SP140: variants seen among roughly 807,000 people sequenced by gnomAD.
SP140 encodes nuclear body protein SP140.
Under a neutral mutation model 125.0 loss-of-function variants are expected in SP140, and 81 were observed. That is an observed-to-expected ratio of 0.65 (90% CI 0.54 to 0.78). The LOEUF (loss-of-function observed/expected upper bound fraction) is 0.78. Among genes scored for constraint, SP140 ranks in the 30% least tolerant of loss-of-function variants. SP140 has a pLI of 0.00. For missense variants in SP140, 858 were observed against 1,037.0 expected (o/e 0.83, Z 2.37); for synonymous variants, 312 against 354.0 (o/e 0.88, Z 1.33).
At chr2:230,271,107 A>G (rs1277510442) in intron 15 of SP140, among the ~76,000 whole-genome samples, 1 of 152,238 alleles carries the variant, frequency 6.6e-6, no homozygotes, top group South Asian at 2.1e-4. Flanking sequence ...TACTTTAGCC[A>G]GTGAGACCCA....
At chr2:230,275,814 C>T (rs1384095971) in intron 15 of SP140, among the ~76,000 whole-genome samples, 2 of 152,182 alleles carry the variant, frequency 1.3e-5, no homozygotes, top group East Asian at 1.9e-4. Flanking sequence ...AGTGAACATA[C>T]GAATAATAAG....
intron 10 of SP140, among the ~76,000 whole-genome samples, chr2:230,251,895 T>C (rs562783234): frequency 9.9e-5 from 15 of 152,112 alleles, no homozygotes; most frequent in African/African-American, 3.4e-4. Flanking sequence ...CACCGGTGTT[T>C]GTTAAGACCC....
intron 12 of SP140, among the ~76,000 whole-genome samples, chr2:230,265,080 G>A (rs931837657): frequency 2.0e-5 from 3 of 151,972 alleles, no homozygotes; most frequent in Admixed American, 6.6e-5. Context: ...AGGAAGAGCC[G>A]TCAGGTGGGG....
At chr2:230,231,702 C>A (rs1213875271) in intron 1 of SP140, among the ~76,000 whole-genome samples, 1 of 151,992 alleles carries the variant, frequency 6.6e-6, no homozygotes, top group African/African-American at 2.4e-5. Flanking sequence ...TTTCTCCCTC[C>A]ACCCTTTTTT....
chr2:230,312,224 C>T (rs1211806116), intron 26 of SP140, among the ~76,000 whole-genome samples: 1 of 152,192 alleles, frequency 6.6e-6, no homozygotes, highest in African/African-American at 2.4e-5. Context: ...TTACTCTTAG[C>T]TGCATGAGTT....
intron 1 of SP140, among the ~76,000 whole-genome samples, chr2:230,209,250 A>T (rs2044206659): frequency 1.3e-5 from 2 of 152,050 alleles, no homozygotes; most frequent in Admixed American, 1.3e-4. Flanking sequence ...GGAGGCCAAG[A>T]ATTGGTGGAG....
At chr2:230,223,839 G>C (rs541905240), upstream of SP140, among the ~76,000 whole-genome samples, 2 of 152,310 alleles carry the variant, frequency 1.3e-5, no homozygotes, top group East Asian at 3.9e-4. Context: ...AAATCTTCCA[G>C]GTAGAATGAA....
the SP140 span, among the ~76,000 whole-genome samples, chr2:230,196,332 C>T: frequency 4.9e-4 from 74 of 151,844 alleles, 1 homozygote; most frequent in African/African-American, 1.6e-3. Context: ...AAACAAATTG[C>T]GGTGAATCAT....
rs141591680 is a variant in SP140 at position 230,308,792 on chromosome 2, G to A, written c.2059-1132G>A. Among the ~76,000 whole-genome samples, 195 of 152,324 alleles carry A rather than the reference G, an allele frequency of 1.3e-3. 2 individuals carry two copies. The highest frequency in any genetic ancestry group is 4.2e-3 in the African/African-American group (174 of 41,562). ...AAACCTTACCTGCAGCAGCAGAGCC[G>A]GCGGAGGACTTGTAGATAGACCATT... On this transcript the variant is annotated intron_variant, in intron 22 of 26. Transcript: ENST00000392045.
intron 1 of SP140, chr2:230,203,784 G>A (rs1428681767): frequency 2.0e-5 from 3 of 152,270 alleles, no homozygotes; most frequent in Non-Finnish European, 4.4e-5. Context: ...AAATAAAGCT[G>A]ATTAATTAAA....
intron 13 of SP140, 61 bp from the exon 14 acceptor site, chr2:230,269,776 T>C (rs1232446035): frequency 1.3e-5 from 17 of 1,329,462 alleles, no homozygotes; most frequent in Non-Finnish European, 1.8e-5. Flanking sequence ...GCAACAAGGG[T>C]GCAGAAAATA....
intron 12 of SP140, among the ~76,000 whole-genome samples, chr2:230,268,414 C>T (rs955444844): frequency 1.3e-5 from 2 of 151,506 alleles, no homozygotes; most frequent in Non-Finnish European, 2.9e-5. Flanking sequence ...ATCCCAGCTA[C>T]TTTGGGAGGC....
In SP140 at chr2:230,212,754, T is replaced by C. The variant is rs1280680899; in HGVS notation, c.-322-900T>C. 3 of 1,614,004 alleles carry C rather than the reference T, an allele frequency of 1.9e-6. No individual in the cohort carries two copies. The Admixed American group carries it at 5.0e-5, about 27-fold the overall frequency. The stretch of plus-strand genomic sequence containing the variant: ...TATACAGGTGTTGGATGGGATCTGT[T>C]TCTCACCTGAAGTGCTTCTTCCTTC... On this transcript the variant is annotated intron_variant, in intron 1 of 4. Transcript: ENST00000456542.
intron 12 of SP140, among the ~76,000 whole-genome samples, chr2:230,266,808 C>G (rs1263047668): frequency 1.3e-5 from 2 of 152,188 alleles, no homozygotes; most frequent in Non-Finnish European, 2.9e-5. Context: ...AGCCAGCAAT[C>G]TTGTGTGGAA....
intron 1 of SP140, chr2:230,212,904 G>A (rs748065443): frequency 6.2e-7 from 1 of 1,614,134 alleles, no homozygotes; most frequent in Admixed American, 1.7e-5. Context: ...TGAACAGCTT[G>A]GTTGAGGGGG....
At chr2:230,252,882 T>G (rs1218992474) in intron 10 of SP140, among the ~76,000 whole-genome samples, 35 of 152,082 alleles carry the variant, frequency 2.3e-4, no homozygotes, top group African/African-American at 6.8e-4. Flanking sequence ...GCAGGTTCCC[T>G]GAGGAGTGAA....
At chr2:230,234,482 C>T (rs1318626932) in intron 1 of SP140, among the ~76,000 whole-genome samples, 8 of 152,158 alleles carry the variant, frequency 5.3e-5, no homozygotes, top group Admixed American at 3.9e-4. Flanking sequence ...TTGATTCTGC[C>T]CTCATACGTG....
At chr2:230,201,181 G>A (rs2043151076), upstream of SP140, among the ~76,000 whole-genome samples, 2 of 152,200 alleles carry the variant, frequency 1.3e-5, no homozygotes, top group Non-Finnish European at 2.9e-5. Context: ...GTTAGCAGTG[G>A]TTACTCTACC....
At chr2:230,288,501 CTTTCTTTCTTTCTTTCTTTCTTTT>C (rs1575229483) in intron 18 of SP140, among the ~76,000 whole-genome samples, 2 of 119,156 alleles carry the variant, frequency 1.7e-5, no homozygotes, top group East Asian at 4.4e-4. Context: ...TTCTTTCTTT[CTTTCTTTCTTTCTTTCTTTCTTTT>C]TTTATTCTTT....
Sources: gnomAD v4.1 joint callset for allele counts (sites outside exome capture counted in the v4.1 genomes callset) on GRCh38, gnomAD v4.1.1 for gene constraint, MANE v1.5 for transcripts, NCBI Gene and HGNC (gene_info 2026-07-23, HGNC 2026-07-21) for gene names.